ICE2: variants seen among roughly 807,000 people sequenced by gnomAD.
The protein encoded by ICE2 is interactor of little elongation complex ELL subunit 2, also known as little elongation complex subunit 2.
Under a neutral mutation model 105.4 loss-of-function variants are expected in ICE2, and 87 were observed. The ratio of observed to expected loss-of-function variants is 0.83; its 90% CI spans 0.69 to 0.99. ICE2 has a LOEUF of 0.99. ICE2 is among the 50% of genes least tolerant of loss of function. The pLI is 0.00. For missense variants in ICE2, 1,323 were observed against 1,146.7 expected (o/e 1.15, Z -2.22); for synonymous variants, 399 against 392.0 (o/e 1.02, Z -0.21).
intron 5 of ICE2, 105 bp from the exon 6 acceptor site, chr15:60,456,899 C>A: frequency 1.8e-6 from 1 of 540,674 alleles, no homozygotes; most frequent in East Asian, 3.5e-5. Flanking sequence ...CAAAAATTAG[C>A]CCGATTTCAT....
intron 3 of ICE2, among the ~76,000 whole-genome samples, chr15:60,472,269 A>G (rs1339803195): frequency 6.6e-6 from 1 of 152,158 alleles, no homozygotes; most frequent in East Asian, 1.9e-4. Flanking sequence ...CTTATGGAGC[A>G]CAGAGAGTAA....
chr15:60,427,163 A>G (rs953810279), intron 15 of ICE2, among the ~76,000 whole-genome samples: 1 of 152,194 alleles, frequency 6.6e-6, no homozygotes, highest in African/African-American at 2.4e-5. Context: ...TTTACTTTAA[A>G]TTATTTAAAA....
chr15:60,443,283 T>C (rs2063758150), intron 11 of ICE2, among the ~76,000 whole-genome samples: 2 of 152,206 alleles, frequency 1.3e-5, no homozygotes, highest in African/African-American at 4.8e-5. Flanking sequence ...CAGGAGTCTA[T>C]TTCCAGTTGC....
intron 3 of ICE2, among the ~76,000 whole-genome samples, chr15:60,472,923 GTTTT>G (rs940487213): frequency 6.6e-6 from 1 of 151,918 alleles, no homozygotes; most frequent in African/African-American, 2.4e-5. Context: ...CAAATAAGTT[GTTTT>G]TTTGTTTTTT....
chr15:60,453,616 A>C lies in ICE2; in HGVS notation c.1112T>G (p.Ile371Arg). The change falls in exon 9 of 16, where the codon ATA becomes AGA. Residue 371 changes from isoleucine to arginine, a missense_variant. Coordinates refer to ENST00000261520, the MANE Select transcript of ICE2 (RefSeq NM_024611.6). ...AVFMDKPEEF[I>R]SEMDMSCEVN... is the part of the protein sequence containing the mutation. ...AGCATTACATACGTCCATTTCAGATATAAACTCTTCAGGTTTGTCCATAAA... is the reference window on the plus strand; with the variant it reads ...AGCATTACATACGTCCATTTCAGATCTAAACTCTTCAGGTTTGTCCATAAA... The C allele has an allele frequency of 6.2e-7, 1 of 1,613,480 alleles. No homozygotes were observed. Among genetic ancestry groups the C allele is most frequent in the Non-Finnish European group, 8.5e-7 (1 of 1,179,552 alleles).
In ICE2 at chr15:60,449,344, T is replaced by C; in HGVS notation, c.1623A>G (p.Arg541=). The change falls in exon 10 of 16, where the codon AGA becomes AGG. Residue 541 remains arginine (R), a synonymous_variant. Coordinates refer to ENST00000261520, the MANE Select transcript of ICE2 (RefSeq NM_024611.6). ...TIDILHADGE[R]PNVLENLDNS... is the part of the protein sequence containing the mutation. ...TGTCTAGGTTTTCTAGAACATTAGG[T>C]CTTTCACCATCAGCATGTAATATAT... The C allele has an allele frequency of 6.2e-7, 1 of 1,613,214 alleles. No homozygotes were observed. The highest frequency in any genetic ancestry group is 8.5e-7 in the Non-Finnish European group (1 of 1,179,960).
intron 11 of ICE2, chr15:60,445,636 G>T: frequency 1.0e-6 from 1 of 982,484 alleles, no homozygotes; most frequent in Non-Finnish European, 1.2e-6. Context: ...CTTCTATAAG[G>T]TTATGTCTTG....
At chr15:60,435,105 C>A (rs1192253569) in intron 13 of ICE2, among the ~76,000 whole-genome samples, 2 of 149,678 alleles carry the variant, frequency 1.3e-5, no homozygotes, top group Non-Finnish European at 1.5e-5. Context: ...CACGGTGAAA[C>A]CCCATCTCTA....
At chr15:60,470,426 C>G (rs2064557350) in intron 3 of ICE2, among the ~76,000 whole-genome samples, 1 of 152,058 alleles carries the variant, frequency 6.6e-6, no homozygotes, top group African/African-American at 2.4e-5. Flanking sequence ...ATTCTGGAAG[C>G]CTGTAGGTGT....
intron 3 of ICE2, among the ~76,000 whole-genome samples, chr15:60,470,749 TTA>T (rs2064568680): frequency 6.6e-6 from 1 of 152,226 alleles, no homozygotes; most frequent in Admixed American, 6.5e-5. Flanking sequence ...CACTACCTCA[TTA>T]TATCTCATAA....
intron 13 of ICE2, among the ~76,000 whole-genome samples, chr15:60,432,289 G>A (rs1053274345): frequency 6.8e-6 from 1 of 147,956 alleles, no homozygotes; most frequent in Admixed American, 6.9e-5. Context: ...CCGGATTCAA[G>A]TGATTCTCTT....
At chr15:60,440,389 A>G (rs1368317100) in intron 12 of ICE2, 1 of 152,230 alleles carries the variant, frequency 6.6e-6, no homozygotes, top group Non-Finnish European at 1.5e-5. Context: ...CAATGAGACT[A>G]TGTGGGAAAC....
chr15:60,471,948 G>A (rs920815875), intron 3 of ICE2, among the ~76,000 whole-genome samples: 4 of 151,692 alleles, frequency 2.6e-5, no homozygotes, highest in Non-Finnish European at 5.9e-5. Context: ...ATTTTCCTAA[G>A]TTAAACGTGT....
intron 9 of ICE2, chr15:60,451,161 T>C (rs569932389): frequency 1.5e-5 from 11 of 752,066 alleles, no homozygotes; most frequent in Non-Finnish European, 1.8e-5. Context: ...GACACAATTA[T>C]ACTAAGTCAA....
In ICE2 at chr15:60,455,398, T is replaced by C. The variant is rs772611147; in HGVS notation, c.711A>G (p.Ile237Met). 3.7e-6 allele frequency: 6 copies of C among 1,613,976 alleles called. No individual in the cohort carries two copies. In the Admixed American group the frequency reaches 1.0e-4, roughly 27 times the overall value. Residue 237 changes from isoleucine (I) to methionine (M), a missense_variant, in exon 7 of 16, where the codon ATA (isoleucine) becomes ATG (methionine). Coordinates refer to ENST00000261520, the MANE Select transcript of ICE2 (RefSeq NM_024611.6). ...TATCGTCCTTTGACAGCTGCAACTT[T>C]ATAGGCATTGAGGGAAATACTGTTT... ...YVKTVFPSMP[I>M]KLQLSKDDIA...
rs139326710 is a variant in ICE2 at position 60,449,732 on chromosome 15, T to C, written c.1235A>G (p.Lys412Arg). Residue 412 changes from lysine (K) to arginine (R), a missense_variant, in exon 10 of 16, where the codon AAA becomes AGA. By Grantham distance (26) the Lys-to-Arg change is conservative. Coordinates refer to ENST00000261520, the MANE Select transcript of ICE2 (RefSeq NM_024611.6). Reference sequence around the variant, plus strand: ...TGCTGGACTTGGTGATTTTGATACTTTGGTGGTGGTTACTCCAAAAGTTTC... The same window carrying C: ...TGCTGGACTTGGTGATTTTGATACTCTGGTGGTGGTTACTCCAAAAGTTTC... ...ELETFGVTTT[K>R]VSKSPSPAST... is the part of the protein sequence containing the mutation. 3.1e-4 allele frequency: 495 copies of C among 1,614,156 alleles called. 1 individual carries two copies. The highest frequency in any genetic ancestry group is 2.4e-4 in the Non-Finnish European group (283 of 1,180,020).
intron 5 of ICE2, among the ~76,000 whole-genome samples, chr15:60,461,331 T>C (rs2064270918): frequency 6.6e-6 from 1 of 152,148 alleles, no homozygotes; most frequent in African/African-American, 2.4e-5. Flanking sequence ...ATTCAGACTA[T>C]ATAAAGAAAC....
chr15:60,471,155 C>G (rs889148002), intron 3 of ICE2, among the ~76,000 whole-genome samples: 1 of 152,056 alleles, frequency 6.6e-6, no homozygotes, highest in African/African-American at 2.4e-5. Flanking sequence ...GGATAAAAAA[C>G]TACTCAAAGA....
Position 60,448,141 on chromosome 15 carries a change from C to T in ICE2, c.2124G>A (p.Leu708=), listed in dbSNP as rs1595775525. 6.3e-7 allele frequency: 1 copy of T among 1,599,568 alleles called. No homozygotes were observed. The highest frequency in any genetic ancestry group is 8.5e-7 in the Non-Finnish European group (1 of 1,169,810). The part of the protein sequence containing the change: ...PSAFQKPKGR[L]PYELQDYVED... ...CAACATAGTCCTGAAGTTCATATGG[C>T]AATCCTTTAAAAATAGTATTTCTCA... The change falls in exon 11 of 16, where the codon TTG becomes TTA. Residue 708 remains leucine (L), a synonymous_variant. Coordinates refer to ENST00000261520, the MANE Select transcript of ICE2 (RefSeq NM_024611.6).
Sources: allele counts gnomAD v4.1 joint callset (sites outside exome capture counted in the v4.1 genomes callset), GRCh38; gene constraint gnomAD v4.1.1; transcripts MANE v1.5; gene names NCBI Gene and HGNC (gene_info 2026-07-23, HGNC 2026-07-21).